The following ICA1 variants were observed in gnomAD, a reference collection of about 807,000 sequenced individuals.
ICA1 encodes the protein islet cell autoantigen 1, also known as 69 kDa islet cell autoantigen.
Under a neutral mutation model 71.0 loss-of-function variants are expected in ICA1, and 40 were observed. That is an observed-to-expected ratio of 0.56 (90% CI 0.44 to 0.73). ICA1 has a LOEUF of 0.73. ICA1 is among the 30% of genes least tolerant of loss of function. The pLI is 0.00. For missense variants in ICA1, 578 were observed against 576.5 expected (o/e 1.00, Z -0.03); for synonymous variants, 207 against 209.5 (o/e 0.99, Z 0.10).
Position 8,216,036 on chromosome 7 carries a change from C to G in ICA1, c.579+2269G>C, listed in dbSNP as rs75229064. 2.6e-5 allele frequency among the ~76,000 whole-genome samples: 4 copies of G among 152,226 alleles called. No individual in the cohort carries two copies. The East Asian group carries it at 7.7e-4, about 29-fold the overall frequency. On this transcript the variant is annotated intron_variant, in intron 6 of 13. Coordinates refer to ENST00000402384, the MANE Select transcript of ICA1 (RefSeq NM_001136020.3). Reference sequence around the variant, plus strand: ...GAAAACTCCACAATTTAAATTCATTCTAAAGAGGGCAGCAAGCCTCACATT... The same window carrying G: ...GAAAACTCCACAATTTAAATTCATTGTAAAGAGGGCAGCAAGCCTCACATT...
chr7:8,159,308 G>A (rs1802835752), intron 6 of ICA1, among the ~76,000 whole-genome samples: 1 of 152,164 alleles, frequency 6.6e-6, no homozygotes, highest in Non-Finnish European at 1.5e-5. Flanking sequence ...AAACCATACA[G>A]GAATTTGGGG....
intron 1 of ICA1, among the ~76,000 whole-genome samples, chr7:8,253,427 A>T (rs1045032519): frequency 6.6e-6 from 1 of 152,190 alleles, no homozygotes; most frequent in Non-Finnish European, 1.5e-5. Flanking sequence ...CAGAAGTAAA[A>T]ATGTAAGGAC....
At chr7:8,262,219 C>G (rs1812796093), upstream of ICA1, 1 of 152,096 alleles carries the variant, frequency 6.6e-6, no homozygotes, top group Admixed American at 6.5e-5. Flanking sequence ...ACCGGCCCTT[C>G]CTGCGGCGGC....
intron 6 of ICA1, among the ~76,000 whole-genome samples, chr7:8,207,378 T>C (rs565677528): frequency 5.3e-5 from 8 of 152,202 alleles, no homozygotes; most frequent in African/African-American, 1.2e-4. Flanking sequence ...CCTGAACCCA[T>C]GTAAAATTGG....
chr7:8,232,267 T>C (rs1283527398), intron 3 of ICA1, among the ~76,000 whole-genome samples: 1 of 152,226 alleles, frequency 6.6e-6, no homozygotes, highest in Non-Finnish European at 1.5e-5. Context: ...TGCCAGATTC[T>C]AGTGTTCTAA....
chr7:8,223,865 T>C lies in ICA1; in HGVS notation c.257-2467A>G, dbSNP rs1397774163. 6.6e-6 allele frequency among the ~76,000 whole-genome samples: 1 copy of C among 152,212 alleles called. No homozygotes were observed. The highest frequency in any genetic ancestry group is 1.5e-5 in the Non-Finnish European group (1 of 68,024). On this transcript the variant is annotated intron_variant, in intron 4 of 13. Coordinates refer to ENST00000402384, the MANE Select transcript of ICA1 (RefSeq NM_001136020.3). The surrounding 1 kb of genome is among the most constrained non-coding windows in gnomAD (Gnocchi z 4.1). ...GAGAATTCAGAGACAAAAACATTTT[T>C]ATATTTACTTGCTAATTAGGTTTTC...
intron 8 of ICA1, among the ~76,000 whole-genome samples, chr7:8,152,569 C>CAA (rs1799257543): frequency 6.6e-6 from 1 of 150,388 alleles, no homozygotes; most frequent in African/African-American, 2.4e-5. Flanking sequence ...ACCACCACCA[C>CAA]CACCACCATC....
intron 6 of ICA1, among the ~76,000 whole-genome samples, chr7:8,217,593 A>G (rs1795801699): frequency 6.6e-6 from 1 of 152,222 alleles, no homozygotes; most frequent in Non-Finnish European, 1.5e-5. Context: ...CGACCAAACA[A>G]AGAACTACCA....
chr7:8,198,815 C>T (rs1454675241), intron 6 of ICA1, among the ~76,000 whole-genome samples: 9 of 152,086 alleles, frequency 5.9e-5, no homozygotes, highest in Non-Finnish European at 1.2e-4. Flanking sequence ...GAAGAGATGA[C>T]CCACAGAATG....
chr7:8,260,994 G>C (rs1343022000), intron 1 of ICA1, among the ~76,000 whole-genome samples: 3 of 152,112 alleles, frequency 2.0e-5, no homozygotes, highest in Non-Finnish European at 4.4e-5. Context: ...TATTTTATAG[G>C]ACCTTAATGG....
rs748302837 is a variant in ICA1 at position 8,127,953 on chromosome 7, G to A, written c.1250C>T (p.Pro417Leu). The change falls in exon 13 of 14, where the codon CCC becomes CTC. Residue 417 changes from proline (P) to leucine (L), a missense_variant. By Grantham distance (98) the Pro-to-Leu change is moderately conservative. Transcript: ENST00000402384. ...GAAACCTGAGCCTGTCTGGGCCTTG[G>A]GGTCTGGCTCTCCCAGGGCCATAGT... is the stretch of plus-strand genomic sequence containing the variant. ...VPTMALGEPDPKAQTGSGFLP... is the reference protein window; with the variant it reads ...VPTMALGEPDLKAQTGSGFLP... 8.4e-5 allele frequency: 136 copies of A among 1,614,088 alleles called. No individual in the cohort carries two copies. Among genetic ancestry groups the A allele is most frequent in the Admixed American group, 8.3e-5 (5 of 60,012 alleles).
At chr7:8,228,292 A>T (rs893585963) in intron 4 of ICA1, among the ~76,000 whole-genome samples, 92 of 138,078 alleles carry the variant, frequency 6.7e-4, no homozygotes, top group African/African-American at 3.2e-3. Context: ...GAAGATAATC[A>T]CATTAAAAAA....
In ICA1 at chr7:8,132,510, TGAA is replaced by T. The variant is rs1197216640; in HGVS notation, c.1061-4371_1061-4369del. ...CCACCCTATACTGAAATAGCTCTCT[TGAA>T]GGTCAGCAGTGAGATCCTCATTGCC... On this transcript the variant is annotated intron_variant, in intron 12 of 13. Transcript: ENST00000402384. This position sits in a 1 kb window ranked among gnomAD's most constrained non-coding sequence, Gnocchi z 4.5. Among the ~76,000 whole-genome samples, 2 of 152,246 alleles carry T rather than the reference TGAA, an allele frequency of 1.3e-5. No homozygotes were observed. The highest frequency in any genetic ancestry group is 4.8e-5 in the African/African-American group (2 of 41,460).
intron 3 of ICA1, among the ~76,000 whole-genome samples, chr7:8,229,196 T>C (rs960189032): frequency 6.6e-6 from 1 of 152,182 alleles, no homozygotes; most frequent in African/African-American, 2.4e-5. Context: ...TCCTGTCTAT[T>C]TAGAAAACAT....
intron 13 of ICA1, among the ~76,000 whole-genome samples, chr7:8,122,204 G>A (rs1025980186): frequency 1.3e-5 from 2 of 152,100 alleles, no homozygotes; most frequent in Non-Finnish European, 2.9e-5. Flanking sequence ...GGCTGGAGTC[G>A]GGTGTACTGA....
intron 6 of ICA1, 29 bp downstream of exon 6, chr7:8,218,276 C>T: frequency 6.3e-7 from 1 of 1,599,304 alleles, no homozygotes; most frequent in Non-Finnish European, 8.6e-7. Flanking sequence ...GCAGGTACCC[C>T]TTCTGCTAAC....
rs1195468993 is a variant in ICA1, at chr7:8,156,606, T to C, written c.804+510A>G. Reference sequence around the variant, plus strand: ...ATACTGCTTTTTCAATTAGAAAATATTGCTGTAGTCTTACAGAAAAATTCA... The same window carrying C: ...ATACTGCTTTTTCAATTAGAAAATACTGCTGTAGTCTTACAGAAAAATTCA... On this transcript the variant is annotated intron_variant, in intron 8 of 13. Transcript: ENST00000402384. 8 of 396,964 alleles carry C rather than the reference T, an allele frequency of 2.0e-5. No individual in the cohort carries two copies. In the East Asian group the frequency reaches 2.3e-4, roughly 12 times the overall value. The allele number at this position is 396,964 out of a possible 1,614,324, so 24.6% of individuals were successfully genotyped here. A position where few individuals can be genotyped will look rare whatever the true frequency, so the allele number is the denominator to read the frequency against.
rs539582197 is a variant in ICA1, at chr7:8,173,878, G to T, written c.580-15226C>A. 4.9e-4 allele frequency among the ~76,000 whole-genome samples: 74 copies of T among 152,114 alleles called. No homozygotes were observed. Among genetic ancestry groups the T allele is most frequent in the Non-Finnish European group, 8.4e-4 (57 of 67,972 alleles). On this transcript the variant is annotated intron_variant, in intron 6 of 13. Transcript: ENST00000402384. This position sits in a 1 kb window ranked among gnomAD's most constrained non-coding sequence, Gnocchi z 4.0. ...AAGCAGAGAATAAAGCAAAGTCTTT[G>T]CTTTCATGATGGTTATGTTGTAGTG... is the stretch of plus-strand genomic sequence containing the variant.
Position 8,129,933 on chromosome 7 carries a change from T to C in ICA1, c.1061-1791A>G, listed in dbSNP as rs537467901. On this transcript the variant is annotated intron_variant, in intron 12 of 13. Coordinates refer to ENST00000402384, the MANE Select transcript of ICA1 (RefSeq NM_001136020.3). Reference sequence around the variant, plus strand: ...GTGTTCTCATTGTTCAATTCCCACCTACGAGATAGAATATGCGGTATTTGG... The same window carrying C: ...GTGTTCTCATTGTTCAATTCCCACCCACGAGATAGAATATGCGGTATTTGG... 6.1e-5 allele frequency among the ~76,000 whole-genome samples: 8 copies of C among 131,024 alleles called. No individual in the cohort carries two copies. The South Asian group carries it at 1.7e-3, about 27-fold the overall frequency. The allele number at this position is 131,024 out of a possible 152,430, so 86.0% of individuals were successfully genotyped here.
Sources: gnomAD v4.1 joint callset for allele counts (sites outside exome capture counted in the v4.1 genomes callset) on GRCh38, gnomAD v4.1.1 for gene constraint, Gnocchi (gnomAD v3.1) non-coding constraint, MANE v1.5 for transcripts, NCBI Gene and HGNC (gene_info 2026-07-23, HGNC 2026-07-21) for gene names.